The following MAN1C1 variants were observed in gnomAD, a reference collection of about 807,000 sequenced individuals.
MAN1C1 encodes mannosidase alpha class 1C member 1.
A neutral mutation model predicts 71.5 loss-of-function variants in MAN1C1; 49 were observed. The ratio of observed to expected loss-of-function variants is 0.69; its 90% confidence interval spans 0.54 to 0.87. The LOEUF (loss-of-function observed/expected upper bound fraction) is 0.87, where lower values mean the gene tolerates loss of function less well. Among genes scored for constraint, MAN1C1 ranks in the 40% least tolerant of loss-of-function variants. MAN1C1 has a pLI of 0.00. For synonymous variants in MAN1C1, 352 were observed against 343.7 expected, an observed-to-expected ratio of 1.02 and a Z score of -0.27; for missense variants, 743 against 835.0, an observed-to-expected ratio of 0.89 and a Z score of 1.36.
In MAN1C1 at chr1:25,703,142, C is replaced by T. The variant is rs555745046; in HGVS notation, c.637+16606C>T. ...ACCCAGGTTGGGAGCCACAGTTAAC[C>T]GGGTTAGGATCCTGAAGTGATTGGT... On this transcript the variant is annotated intron_variant, in intron 2 of 11. Coordinates refer to ENST00000374332, the MANE Select transcript of MAN1C1 (RefSeq NM_020379.4). Among the ~76,000 whole-genome samples the T allele has an allele frequency of 6.6e-5, 10 of 152,296 alleles. 1 individual carries two copies. The South Asian group carries it at 1.9e-3, about 28-fold the overall frequency.
rs1015005358 is a variant in MAN1C1, at chr1:25,764,417, GT to G, written c.1141+457del. Among the ~76,000 whole-genome samples the G allele has an allele frequency of 1.3e-5, 2 of 151,188 alleles. No individual in the cohort carries two copies. Among genetic ancestry groups the G allele is most frequent in the African/African-American group, 2.4e-5 (1 of 41,154 alleles). On this transcript the variant is annotated intron_variant, in intron 7 of 11. Transcript: ENST00000374332. This position sits in a 1 kb window ranked among gnomAD's most constrained non-coding sequence, Gnocchi z 4.4. ...CCACTTCCAACTTCAATTTTTTTTTGTTTTTTTGTTTTTGAGACAGAGTCTC... is the reference window on the plus strand; with the variant it reads ...CCACTTCCAACTTCAATTTTTTTTTGTTTTTTGTTTTTGAGACAGAGTCTC...
intron 1 of MAN1C1, among the ~76,000 whole-genome samples, chr1:25,662,929 G>A (rs2045870863): frequency 6.6e-6 from 1 of 151,686 alleles, no homozygotes; most frequent in African/African-American, 2.4e-5. Context: ...TGTGATGGCA[G>A]GCACCTGTAG....
At chr1:25,683,627 C>A (rs1227963044) in intron 1 of MAN1C1, among the ~76,000 whole-genome samples, 1 of 151,870 alleles carries the variant, frequency 6.6e-6, no homozygotes, top group African/African-American at 2.4e-5. Flanking sequence ...TCAGCTGGGA[C>A]CTGAAGGAAG....
chr1:25,666,737 G>A (rs1441960475), intron 1 of MAN1C1, among the ~76,000 whole-genome samples: 1 of 152,224 alleles, frequency 6.6e-6, no homozygotes, highest in Non-Finnish European at 1.5e-5. Context: ...ACGGCTGTCA[G>A]CGACAGAAAT....
chr1:25,780,411 A>G (rs2047676906), intron 9 of MAN1C1, among the ~76,000 whole-genome samples: 1 of 152,056 alleles, frequency 6.6e-6, no homozygotes, highest in South Asian at 2.1e-4. Context: ...GCTGTTCCCA[A>G]ACTCTCGAAG....
At chr1:25,774,010 G>C (rs1477302984) in intron 8 of MAN1C1, among the ~76,000 whole-genome samples, 1 of 152,146 alleles carries the variant, frequency 6.6e-6, no homozygotes, top group African/African-American at 2.4e-5. Context: ...TTGGGATTTC[G>C]TGTATAGTCA....
chr1:25,656,589 T>C (rs1202756561), intron 1 of MAN1C1, among the ~76,000 whole-genome samples: 1 of 152,214 alleles, frequency 6.6e-6, no homozygotes, highest in Non-Finnish European at 1.5e-5. Flanking sequence ...CCGGGGTCTC[T>C]ACCTTCTGTG....
intron 2 of MAN1C1, among the ~76,000 whole-genome samples, chr1:25,727,992 T>C (rs1342365048): frequency 6.6e-6 from 1 of 152,240 alleles, no homozygotes; most frequent in Admixed American, 6.5e-5. Flanking sequence ...TGCAGTTTCC[T>C]GTTAATGAGT....
chr1:25,770,617 G>T (rs2047536933), intron 7 of MAN1C1, among the ~76,000 whole-genome samples: 1 of 152,204 alleles, frequency 6.6e-6, no homozygotes, highest in African/African-American at 2.4e-5. Context: ...CTTGCAGGGT[G>T]CCCAGGAAGA....
At chr1:25,668,204 G>C (rs191445696) in intron 1 of MAN1C1, among the ~76,000 whole-genome samples, 3 of 152,228 alleles carry the variant, frequency 2.0e-5, no homozygotes, top group African/African-American at 7.2e-5. Flanking sequence ...TATTTATTAA[G>C]TTCTCAGCTC....
intron 2 of MAN1C1, among the ~76,000 whole-genome samples, chr1:25,694,237 G>T (rs1277950147): frequency 3.3e-5 from 5 of 152,180 alleles, no homozygotes; most frequent in African/African-American, 1.2e-4. Flanking sequence ...CGAATCAGCA[G>T]ACAGACCCTG....
intron 2 of MAN1C1, among the ~76,000 whole-genome samples, chr1:25,691,841 A>G (rs1207034535): frequency 6.6e-6 from 1 of 152,212 alleles, no homozygotes; most frequent in Non-Finnish European, 1.5e-5. Context: ...AGGGTTCACA[A>G]TCTTGGAATA....
chr1:25,627,020 T>G (rs906077105), intron 1 of MAN1C1, among the ~76,000 whole-genome samples: 2 of 152,232 alleles, frequency 1.3e-5, no homozygotes, highest in African/African-American at 4.8e-5. Flanking sequence ...TATTTACATT[T>G]AGGTCTTTCA....
chr1:25,740,206 G>A (rs1028631235), intron 2 of MAN1C1, among the ~76,000 whole-genome samples: 1 of 152,102 alleles, frequency 6.6e-6, no homozygotes, highest in African/African-American at 2.4e-5. Context: ...AGAGTAGCCC[G>A]CAGCTACCAG....
rs1478693582 is a variant in MAN1C1 at position 25,616,924 on chromosome 1, G to A, written c.-874G>A. Among the ~76,000 whole-genome samples the A allele has an allele frequency of 2.0e-5, 3 of 150,782 alleles. No homozygotes were observed. Among genetic ancestry groups the A allele is most frequent in the African/African-American group, 7.3e-5 (3 of 41,226 alleles). The stretch of plus-strand genomic sequence containing the variant: ...CGCTGCGAGGAAGACAGCTGCAGCG[G>A]GGGAGGCGCGGCCAGGGCTGCGCGC... On this transcript the variant is annotated 5_prime_UTR_variant, in exon 1 of 12. Coordinates refer to ENST00000374332, the MANE Select transcript of MAN1C1 (RefSeq NM_020379.4). This position sits in a 1 kb window ranked among gnomAD's most constrained non-coding sequence, Gnocchi z 5.6.
At chr1:25,623,266 A>T in intron 1 of MAN1C1, among the ~76,000 whole-genome samples, 1 of 151,780 alleles carries the variant, frequency 6.6e-6, no homozygotes, top group African/African-American at 2.4e-5. Flanking sequence ...ATACAACTTA[A>T]CTCCCACACG....
intron 1 of MAN1C1, among the ~76,000 whole-genome samples, chr1:25,684,865 C>T (rs995774297): frequency 1.2e-4 from 19 of 152,238 alleles, no homozygotes. Flanking sequence ...CAGATTGGTG[C>T]TTCTCACATG....
rs1057101969 is a variant in MAN1C1, at chr1:25,779,250, G to A, written c.1477+926G>A. 6.6e-6 allele frequency among the ~76,000 whole-genome samples: 1 copy of A among 151,922 alleles called. No individual in the cohort carries two copies. The highest frequency in any genetic ancestry group is 2.4e-5 in the African/African-American group (1 of 41,386). On this transcript the variant is annotated intron_variant, in intron 9 of 11. Coordinates refer to ENST00000374332, the MANE Select transcript of MAN1C1 (RefSeq NM_020379.4). This position sits in a 1 kb window ranked among gnomAD's most constrained non-coding sequence, Gnocchi z 4.6. Reference sequence around the variant, plus strand: ...TACACCATTTGAAAAGATTAGAGAGGCCAGATGGGCAGCCTCTGTTTTCTT... The same window carrying A: ...TACACCATTTGAAAAGATTAGAGAGACCAGATGGGCAGCCTCTGTTTTCTT...
intron 1 of MAN1C1, among the ~76,000 whole-genome samples, chr1:25,641,661 A>C (rs2045538907): frequency 6.6e-6 from 1 of 152,220 alleles, no homozygotes; most frequent in Non-Finnish European, 1.5e-5. Context: ...AAAAATCTTT[A>C]GAATGAACCT....
Sources: gnomAD v4.1 joint callset for allele counts (sites outside exome capture counted in the v4.1 genomes callset) on GRCh38, gnomAD v4.1.1 for gene constraint, Gnocchi (gnomAD v3.1) non-coding constraint, MANE v1.5 for transcripts, NCBI Gene and HGNC (gene_info 2026-07-23, HGNC 2026-07-21) for gene names.